PACSIN2: variants seen among roughly 807,000 people sequenced by gnomAD.
PACSIN2 encodes protein kinase C and casein kinase substrate in neurons protein 2.
PACSIN2 carries 25 observed loss-of-function variants against 63.8 expected under a neutral mutation model. The observed-to-expected ratio is 0.39, with a 90% CI of 0.29 to 0.55. The LOEUF (loss-of-function observed/expected upper bound fraction) is 0.55, where lower values mean the gene tolerates loss of function less well. Ranked by LOEUF, PACSIN2 falls within the 20% of genes least tolerant of loss-of-function variation. PACSIN2 has a pLI of 0.62. For missense variants in PACSIN2, 518 were observed against 646.9 expected (o/e 0.80, Z 2.16); for synonymous variants, 255 against 256.2 (o/e 1.00, Z 0.05).
At position 42,871,366 on chromosome 22, in the gene PACSIN2, C is replaced by A. The variant is rs1365313886; in HGVS notation, c.1452G>T (p.Ala484=). ...GCCTGTCCCCGACTCATCACTGGAT[C>A]GCCTCCACATAATTTGCCGGGTATA... is the stretch of plus-strand genomic sequence containing the variant. The part of the protein sequence containing the change: ...VGLYPANYVE[A]IQ Residue 484 remains alanine, a synonymous_variant, in exon 11 of 11, where the codon GCG becomes GCT. Coordinates refer to ENST00000263246, the MANE Select transcript of PACSIN2 (RefSeq NM_001184970.3). The surrounding 1 kb of genome is among the most constrained non-coding windows in gnomAD (Gnocchi z 5.4). 6.2e-7 allele frequency: 1 copy of A among 1,611,002 alleles called. No homozygotes were observed. Among genetic ancestry groups the A allele is most frequent in the Non-Finnish European group, 8.5e-7 (1 of 1,177,054 alleles).
intron 1 of PACSIN2, among the ~76,000 whole-genome samples, chr22:42,945,548 C>A (rs1466111019): frequency 2.0e-5 from 3 of 152,126 alleles, no homozygotes; most frequent in Non-Finnish European, 4.4e-5. Context: ...CCTGGGTTTT[C>A]TACGTCAGAA....
intron 2 of PACSIN2, among the ~76,000 whole-genome samples, chr22:42,897,300 CAAG>C (rs141725799): frequency 0.011 from 1,601 of 152,214 alleles, 28 homozygotes; most frequent in African/African-American, 0.036. Flanking sequence ...TTTTACAATG[CAAG>C]AAAATTAATT....
At chr22:42,925,741 C>T (rs915036811) in intron 1 of PACSIN2, among the ~76,000 whole-genome samples, 2 of 152,200 alleles carry the variant, frequency 1.3e-5, no homozygotes, top group Non-Finnish European at 2.9e-5. Flanking sequence ...AACACTACTG[C>T]ACATGTTAAT....
intron 1 of PACSIN2, among the ~76,000 whole-genome samples, chr22:42,982,888 A>AAAAAAAAAAAAAAAACAAC (rs759532303): frequency 1.1e-3 from 113 of 105,100 alleles, no homozygotes; most frequent in Non-Finnish European, 1.9e-3. Flanking sequence ...AAAAAAAAAA[A>AAAAAAAAAAAAAAAACAAC]AACAACAACA....
chr22:42,970,200 G>A (rs1226049200), intron 1 of PACSIN2, among the ~76,000 whole-genome samples: 2 of 152,196 alleles, frequency 1.3e-5, no homozygotes, highest in African/African-American at 4.8e-5. Context: ...CATTTAAAAA[G>A]GAGAACGACT....
chr22:42,937,716 A>G (rs1279208715), intron 1 of PACSIN2, among the ~76,000 whole-genome samples: 1 of 152,110 alleles, frequency 6.6e-6, no homozygotes, highest in Non-Finnish European at 1.5e-5. Context: ...AGACTCAACC[A>G]AGGCCCCACT....
chr22:42,992,184 C>A (rs1192220043), intron 1 of PACSIN2, among the ~76,000 whole-genome samples: 1 of 152,088 alleles, frequency 6.6e-6, no homozygotes, highest in Non-Finnish European at 1.5e-5. Context: ...TCAGCTTTTT[C>A]AACAGGCAAG....
At chr22:42,888,104 C>T (rs1929626484) in intron 5 of PACSIN2, among the ~76,000 whole-genome samples, 1 of 151,970 alleles carries the variant, frequency 6.6e-6, no homozygotes, top group African/African-American at 2.4e-5. Flanking sequence ...TAAACCATCT[C>T]ACCCTCCTCA....
At chr22:42,946,635 T>C (rs2146816678) in intron 1 of PACSIN2, among the ~76,000 whole-genome samples, 1 of 152,364 alleles carries the variant, frequency 6.6e-6, no homozygotes, top group South Asian at 2.1e-4. Context: ...CAAAGCTGCC[T>C]GCCCAGGACT....
intron 1 of PACSIN2, among the ~76,000 whole-genome samples, chr22:42,985,086 T>C (rs912669067): frequency 8.5e-5 from 13 of 152,184 alleles, no homozygotes; most frequent in African/African-American, 3.1e-4. Flanking sequence ...CTCAGCACTT[T>C]GGGAGGCCAA....
At chr22:42,958,122 T>C (rs181151587) in intron 1 of PACSIN2, among the ~76,000 whole-genome samples, 1 of 152,112 alleles carries the variant, frequency 6.6e-6, no homozygotes, top group East Asian at 1.9e-4. Flanking sequence ...AGCTAAGTGA[T>C]ATTCATCTTA....
intron 1 of PACSIN2, among the ~76,000 whole-genome samples, chr22:42,980,687 CTGT>C (rs1399907106): frequency 9.0e-6 from 1 of 110,504 alleles, no homozygotes; most frequent in Non-Finnish European, 1.9e-5. Context: ...CGGGGTTTCG[CTGT>C]GTTGGCCGGG....
intron 2 of PACSIN2, among the ~76,000 whole-genome samples, chr22:42,911,021 C>T (rs1569258458): frequency 1.3e-5 from 2 of 152,088 alleles, no homozygotes; most frequent in African/African-American, 2.4e-5. Context: ...TCTCCTGCCT[C>T]AGCCTCCCAA....
At position 42,983,253 on chromosome 22, in the gene PACSIN2, G is replaced by C. The variant is rs111545358; in HGVS notation, c.-78+31768C>G. ...AACTGCTCAAATCCAGGAGGTGGAG[G>C]CTGCAGTGAGTCGACAATGTGCCAC... On this transcript the variant is annotated intron_variant, in intron 1 of 10. Coordinates refer to ENST00000263246, the MANE Select transcript of PACSIN2 (RefSeq NM_001184970.3). 5.8e-4 allele frequency among the ~76,000 whole-genome samples: 87 copies of C among 151,218 alleles called. 1 individual carries two copies. Among genetic ancestry groups the C allele is most frequent in the Middle Eastern group, 3.4e-3 (1 of 294 alleles).
intron 1 of PACSIN2, among the ~76,000 whole-genome samples, chr22:42,992,634 AAATG>A (rs572069644): frequency 3.9e-5 from 6 of 152,332 alleles, no homozygotes; most frequent in Admixed American, 3.9e-4. Context: ...ACTGGCACAC[AAATG>A]TTAATAGCAC....
Position 42,891,202 on chromosome 22 carries a change from T to C in PACSIN2, c.218-20A>G. ...GGGGCCCTGTGCAGGGGAGAGAAGC[T>C]GCGGGTCACTCAGCGCCGGCCATGG... On this transcript the variant is annotated intron_variant, in intron 3 of 10. Transcript: ENST00000263246. 1.9e-6 allele frequency: 3 copies of C among 1,573,714 alleles called. No homozygotes were observed. Among genetic ancestry groups the C allele is most frequent in the Non-Finnish European group, 2.6e-6 (3 of 1,145,478 alleles).
chr22:42,997,008 C>G (rs1271037555), intron 1 of PACSIN2, among the ~76,000 whole-genome samples: 1 of 152,180 alleles, frequency 6.6e-6, no homozygotes, highest in Non-Finnish European at 1.5e-5. Context: ...AAGTCAGAAA[C>G]CAGTTCAGGG....
chr22:42,995,843 C>A (rs1923358885), intron 1 of PACSIN2, among the ~76,000 whole-genome samples: 1 of 152,174 alleles, frequency 6.6e-6, no homozygotes, highest in South Asian at 2.1e-4. Flanking sequence ...ACAGGAGGAT[C>A]ACTTGAAGCC....
intron 7 of PACSIN2, 111 bp from the exon 8 acceptor site, chr22:42,879,280 G>A: frequency 1.7e-6 from 2 of 1,177,984 alleles, no homozygotes; most frequent in South Asian, 1.5e-5. Flanking sequence ...TGCATCTGAT[G>A]TGTAGACTCA....
Sources: gnomAD v4.1 joint callset for allele counts (sites outside exome capture counted in the v4.1 genomes callset) on GRCh38, gnomAD v4.1.1 for gene constraint, Gnocchi (gnomAD v3.1) non-coding constraint, MANE v1.5 for transcripts, NCBI Gene and HGNC (gene_info 2026-07-23, HGNC 2026-07-21) for gene names.